ATP8A2: variants seen among roughly 807,000 people sequenced by gnomAD.
ATP8A2 encodes the protein ATPase phospholipid transporting 8A2.
A neutral mutation model predicts 165.6 loss-of-function variants in ATP8A2; 100 were observed. The observed-to-expected ratio is 0.60, with a 90% CI of 0.51 to 0.71. The LOEUF is 0.71. Ranked by LOEUF, ATP8A2 falls within the 30% of genes least tolerant of loss-of-function variation. The probability of loss-of-function intolerance (pLI) is 0.00; values close to 1 mark genes in which losing one functional copy is unlikely to be tolerated. For synonymous variants in ATP8A2, 543 were observed against 548.8 expected (o/e 0.99, Z 0.15); for missense variants, 1,227 against 1,479.5 (o/e 0.83, Z 2.80).
chr13:25,721,206 C>CT lies in ATP8A2; in HGVS notation c.2384+21873dup, dbSNP rs994203238. 5.8e-3 allele frequency among the ~76,000 whole-genome samples: 830 copies of CT among 142,130 alleles called. 7 individuals are homozygous for CT. The highest frequency in any genetic ancestry group is 0.016 in the Admixed American group (232 of 14,200). 93.2% of individuals were successfully genotyped at this position (142,130 alleles called of 152,430 possible). On this transcript the variant is annotated intron_variant, in intron 25 of 36. Transcript: ENST00000381655. ...TCTCAAACTCCTGACTTCAAGTGAG[C>CT]TTTTTTTTTTTTCAATAACAGTTTT...
chr13:25,986,858 C>T (rs1285254905), intron 35 of ATP8A2, among the ~76,000 whole-genome samples: 2 of 152,050 alleles, frequency 1.3e-5, no homozygotes, highest in African/African-American at 4.8e-5. Context: ...CATTCTTTAC[C>T]TTAGAAAAAT....
chr13:25,656,304 C>T (rs1022637796), intron 24 of ATP8A2, among the ~76,000 whole-genome samples: 5 of 151,618 alleles, frequency 3.3e-5, no homozygotes, highest in Admixed American at 6.6e-5. Context: ...GAAATGGAGT[C>T]TTACTCTGTC....
intron 25 of ATP8A2, among the ~76,000 whole-genome samples, chr13:25,733,912 A>G (rs1342071707): frequency 6.6e-6 from 1 of 152,156 alleles, no homozygotes; most frequent in Non-Finnish European, 1.5e-5. Flanking sequence ...GCCTAACTTC[A>G]GTACCTTATG....
chr13:25,583,394 C>T (rs2039829321), intron 23 of ATP8A2, among the ~76,000 whole-genome samples: 1 of 152,034 alleles, frequency 6.6e-6, no homozygotes, highest in African/African-American at 2.4e-5. Context: ...GTGGATAACC[C>T]CTCAAGTTAA....
chr13:25,458,888 G>C (rs1459872101), intron 1 of ATP8A2, among the ~76,000 whole-genome samples: 1 of 152,188 alleles, frequency 6.6e-6, no homozygotes, highest in Non-Finnish European at 1.5e-5. Flanking sequence ...GTGGAATGAG[G>C]CTGACAGAAG....
At chr13:25,793,993 G>A (rs1167633565) in intron 27 of ATP8A2, among the ~76,000 whole-genome samples, 1 of 152,200 alleles carries the variant, frequency 6.6e-6, no homozygotes, top group Non-Finnish European at 1.5e-5. Flanking sequence ...GCACAGACAT[G>A]GGGGAGAAGG....
Position 25,591,488 on chromosome 13 carries a change from C to A in ATP8A2, c.2211+1789C>A, listed in dbSNP as rs112208654. On this transcript the variant is annotated intron_variant, in intron 24 of 36. Coordinates refer to ENST00000381655, the MANE Select transcript of ATP8A2 (RefSeq NM_016529.6). ...CATATCGGACCATGTGTCAGAATTT[C>A]GCTCCTTTTTAAGGCTGATTAATAT... 234 of 392,308 alleles carry A rather than the reference C, an allele frequency of 6.0e-4. 3 individuals are homozygous for A. Among genetic ancestry groups the A allele is most frequent in the African/African-American group, 4.3e-3 (208 of 48,158 alleles). 24.3% of individuals were successfully genotyped at this position (392,308 alleles called of 1,614,324 possible). A position where few individuals can be genotyped will look rare whatever the true frequency, so the allele number is the denominator to read the frequency against.
intron 1 of ATP8A2, among the ~76,000 whole-genome samples, chr13:25,383,013 C>T (rs2032906203): frequency 6.7e-6 from 1 of 149,498 alleles, no homozygotes; most frequent in African/African-American, 2.5e-5. Context: ...CCTTGGCCTC[C>T]CAAAGTGCTG....
intron 33 of ATP8A2, among the ~76,000 whole-genome samples, chr13:25,887,268 T>G (rs752142713): frequency 2.0e-5 from 3 of 152,198 alleles, no homozygotes; most frequent in Non-Finnish European, 4.4e-5. Flanking sequence ...TGTATGAATA[T>G]TCTACTTCTA....
intron 2 of ATP8A2, among the ~76,000 whole-genome samples, chr13:25,481,363 A>G (rs1251944616): frequency 1.3e-5 from 2 of 152,358 alleles, no homozygotes; most frequent in East Asian, 3.9e-4. Context: ...GTGGTCTCTC[A>G]GAAGAGTCAC....
At chr13:25,902,583 A>C (rs1332194624) in intron 33 of ATP8A2, among the ~76,000 whole-genome samples, 3 of 148,848 alleles carry the variant, frequency 2.0e-5, no homozygotes, top group Non-Finnish European at 3.0e-5. Flanking sequence ...AAAAAAAAAA[A>C]CAAAAAAGAA....
intron 25 of ATP8A2, among the ~76,000 whole-genome samples, chr13:25,737,694 T>C (rs1206517446): frequency 6.6e-6 from 1 of 152,168 alleles, no homozygotes; most frequent in Non-Finnish European, 1.5e-5. Flanking sequence ...TTTTATTTTA[T>C]GTTTTTGAGA....
chr13:25,671,349 A>T (rs913592266), intron 24 of ATP8A2, among the ~76,000 whole-genome samples: 15 of 152,198 alleles, frequency 9.9e-5, no homozygotes, highest in Admixed American at 7.2e-4. Context: ...AAATCTGGGC[A>T]CCTTGAAAAA....
At chr13:25,769,775 C>T (rs1384533946) in intron 26 of ATP8A2, among the ~76,000 whole-genome samples, 1 of 152,120 alleles carries the variant, frequency 6.6e-6, no homozygotes, top group Non-Finnish European at 1.5e-5. Context: ...GCCAAGAGCA[C>T]GAGCTGGGTT....
chr13:25,781,814 A>T (rs2044887785), intron 27 of ATP8A2, among the ~76,000 whole-genome samples: 1 of 152,156 alleles, frequency 6.6e-6, no homozygotes, highest in African/African-American at 2.4e-5. Flanking sequence ...GTTAGAAAAA[A>T]ATCATATCTA....
chr13:25,630,034 A>G (rs2041199569), intron 24 of ATP8A2, among the ~76,000 whole-genome samples: 1 of 151,852 alleles, frequency 6.6e-6, no homozygotes, highest in Non-Finnish European at 1.5e-5. Context: ...TTATTATATC[A>G]TGGACATGCA....
intron 24 of ATP8A2, among the ~76,000 whole-genome samples, chr13:25,660,247 CTTCAT>C (rs1472813553): frequency 6.6e-6 from 1 of 152,112 alleles, no homozygotes; most frequent in Non-Finnish European, 1.5e-5. Flanking sequence ...GAAAGATCAT[CTTCAT>C]TTCAACGTTT....
intron 27 of ATP8A2, among the ~76,000 whole-genome samples, chr13:25,795,873 G>A (rs1950488917): frequency 6.6e-6 from 1 of 151,912 alleles, no homozygotes; most frequent in African/African-American, 2.4e-5. Context: ...TTGGTAGGTG[G>A]TGACAGCATT....
intron 1 of ATP8A2, among the ~76,000 whole-genome samples, chr13:25,373,873 G>A (rs1045631172): frequency 6.6e-6 from 1 of 152,158 alleles, no homozygotes; most frequent in Non-Finnish European, 1.5e-5. Context: ...GGCAGGACCG[G>A]CTCCAAGAGT....
Sources: allele counts gnomAD v4.1 joint callset (sites outside exome capture counted in the v4.1 genomes callset), GRCh38; gene constraint gnomAD v4.1.1; transcripts MANE v1.5; gene names NCBI Gene and HGNC (gene_info 2026-07-23, HGNC 2026-07-21).